Variants in FBXW10 observed in about 807,000 individuals in gnomAD.
FBXW10 encodes the protein F-box and WD repeat domain containing 10.
FBXW10 carries 68 observed loss-of-function variants against 113.1 expected under a neutral mutation model. That is an observed-to-expected ratio of 0.60 (90% confidence interval 0.49 to 0.74). The LOEUF (loss-of-function observed/expected upper bound fraction) is 0.74, where lower values mean the gene tolerates loss of function less well. Among genes scored for constraint, FBXW10 ranks in the 30% least tolerant of loss-of-function variants. The pLI is 0.00. For synonymous variants in FBXW10, 289 were observed against 481.6 expected (o/e 0.60, Z 5.24); for missense variants, 753 against 1,284.5 (o/e 0.59, Z 6.32).
chr17:18,768,934 ATTTT>A (rs59007149), intron 10 of FBXW10, among the ~76,000 whole-genome samples: 9 of 114,388 alleles, frequency 7.9e-5, no homozygotes, highest in South Asian at 2.9e-4. Flanking sequence ...GAAGTTATTG[ATTTT>A]TTTTTTTTTT....
intron 13 of FBXW10, among the ~76,000 whole-genome samples, chr17:18,777,704 G>A (rs1442005935): frequency 6.6e-6 from 1 of 151,386 alleles, no homozygotes; most frequent in South Asian, 2.1e-4. Flanking sequence ...CCGCCATGCC[G>A]GGCTAATTTT....
chr17:18,764,066 C>T (rs1377780447), intron 7 of FBXW10, among the ~76,000 whole-genome samples: 4 of 145,434 alleles, frequency 2.8e-5, no homozygotes, highest in Non-Finnish European at 6.0e-5. Context: ...AGTGGCACCT[C>T]CTTCCCGGCT....
rs1334734555 is a variant in FBXW10, at chr17:18,744,610, G to A, written c.366G>A (p.Leu122=). 8 of 1,614,012 alleles carry A rather than the reference G, an allele frequency of 5.0e-6. No individual in the cohort carries two copies. The highest frequency in any genetic ancestry group is 6.8e-6 in the Non-Finnish European group (8 of 1,179,874). The change falls in exon 1 of 14, where the codon TTG becomes TTA. Residue 122 remains leucine (L), a synonymous_variant. Transcript: ENST00000395665. ...KTVEQKMKEI[L]YWFANSTQWT... ...TAGAACAGAAGATGAAAGAGATCTT[G>A]TACTGGTTTGCGAACAGCACCCAGT...
chr17:18,750,435 T>C (rs1427934608), intron 4 of FBXW10, among the ~76,000 whole-genome samples: 2 of 151,610 alleles, frequency 1.3e-5, no homozygotes, highest in African/African-American at 4.8e-5. Context: ...GGGAGTTATA[T>C]TGCAGCTTAT....
At chr17:18,756,685 G>A (rs1459948731) in intron 6 of FBXW10, among the ~76,000 whole-genome samples, 1 of 151,910 alleles carries the variant, frequency 6.6e-6, no homozygotes, top group Non-Finnish European at 1.5e-5. Context: ...ATCTTCCCAT[G>A]GTAAATATGA....
rs780820275 is a variant in FBXW10 at position 18,769,969 on chromosome 17, C to T, written c.1890C>T (p.Ser630=). The part of the protein sequence containing the change: ...DVSLLFLRVI[S]ACADGKIRIY... ...CCCTTCTCTTCCTCCGGGTCATCAG[C>T]GCCTGTGCAGATGGCAAGATCCGAA... Residue 630 remains serine, a synonymous_variant, in exon 11 of 14, where the codon AGC becomes AGT. Coordinates refer to ENST00000395665, the MANE Select transcript of FBXW10 (RefSeq NM_001267585.2). 2.5e-6 allele frequency: 4 copies of T among 1,613,998 alleles called. No individual in the cohort carries two copies. Among genetic ancestry groups the T allele is most frequent in the African/African-American group, 1.3e-5 (1 of 74,896 alleles).
intron 5 of FBXW10, among the ~76,000 whole-genome samples, chr17:18,751,622 C>G (rs2035173639): frequency 6.6e-6 from 1 of 152,182 alleles, no homozygotes; most frequent in Non-Finnish European, 1.5e-5. Context: ...TACTTCAAAG[C>G]CCCTGGCCGT....
In FBXW10 at chr17:18,748,031, A is replaced by C; in HGVS notation, c.596A>C (p.Lys199Thr). The C allele has an allele frequency of 6.2e-7, 1 of 1,613,890 alleles. No individual in the cohort carries two copies. The highest frequency in any genetic ancestry group is 8.5e-7 in the Non-Finnish European group (1 of 1,179,846). ...SATSQVYWTA[K>T]TQHTSLPLSK... is the part of the protein sequence containing the mutation. ...ACCTCACAAGTCTATTGGACAGCCA[A>C]AACTCAGCACACATCCCTTCCTTTG... The change falls in exon 2 of 14, where the codon AAA (lysine) becomes ACA (threonine). Residue 199 changes from lysine (K) to threonine (T), a missense_variant. By Grantham distance (78) the Lys-to-Thr change is moderately conservative. Coordinates refer to ENST00000395665, the MANE Select transcript of FBXW10 (RefSeq NM_001267585.2).
chr17:18,768,837 T>C (rs1425262003), intron 10 of FBXW10, among the ~76,000 whole-genome samples, 161 bp downstream of exon 10: 10 of 152,046 alleles, frequency 6.6e-5, no homozygotes, highest in Non-Finnish European at 1.5e-4. Context: ...GACCCATTTT[T>C]CCCCACCATC....
At chr17:18,772,823 C>T in intron 12 of FBXW10, 140 bp downstream of exon 12, 1 of 698,194 alleles carries the variant, frequency 1.4e-6, no homozygotes, top group Non-Finnish European at 2.4e-6. Flanking sequence ...TAAATCCTAA[C>T]CCTCCAGGAA....
Position 18,758,217 on chromosome 17 carries a change from G to T in FBXW10, c.1233-88G>T, listed in dbSNP as rs959071860. 2.3e-5 allele frequency: 30 copies of T among 1,307,218 alleles called. No homozygotes were observed. In the African/African-American group the frequency reaches 3.4e-4, roughly 15 times the overall value. The allele number at this position is 1,307,218 out of a possible 1,614,324, so 81.0% of individuals were successfully genotyped here. A position where few individuals can be genotyped will look rare whatever the true frequency, so the allele number is the denominator to read the frequency against. ...GCCCTGGATTTTCCTTTACACCACT[G>T]CTGTAGGCAAAAGTCATGGGGCTAA... On this transcript the variant is annotated intron_variant, in intron 6 of 13. Transcript: ENST00000395665.
chr17:18,775,880 A>C (rs976732830), intron 13 of FBXW10, among the ~76,000 whole-genome samples: 1 of 152,150 alleles, frequency 6.6e-6, no homozygotes, highest in South Asian at 2.1e-4. Flanking sequence ...AATTCAAAAA[A>C]TTGGCCAGAT....
In FBXW10 at chr17:18,745,733, C is replaced by T. The variant is rs557435227; in HGVS notation, c.505+984C>T. Among the ~76,000 whole-genome samples the T allele has an allele frequency of 1.6e-3, 242 of 152,268 alleles. 1 individual carries two copies. The highest frequency in any genetic ancestry group is 5.6e-3 in the African/African-American group (231 of 41,554). ...TCGACCAGGGATTCTGTATTTCTAACAAGTTTCCAGCTAGTGCTGATGTTG... is the reference window on the plus strand; with the variant it reads ...TCGACCAGGGATTCTGTATTTCTAATAAGTTTCCAGCTAGTGCTGATGTTG... On this transcript the variant is annotated intron_variant, in intron 1 of 13. Transcript: ENST00000395665.
At chr17:18,750,828 C>G (rs372486915) in intron 4 of FBXW10, 103 bp from the exon 5 acceptor site, 6 of 1,376,224 alleles carry the variant, frequency 4.4e-6, no homozygotes, top group Non-Finnish European at 5.9e-6. Flanking sequence ...CCATCCTTCA[C>G]ATTTTGCCAA....
intron 7 of FBXW10, among the ~76,000 whole-genome samples, chr17:18,759,569 CATTT>C (rs1158130781): frequency 9.9e-5 from 15 of 151,708 alleles, no homozygotes; most frequent in Non-Finnish European, 1.8e-4. Flanking sequence ...TATCGTAACT[CATTT>C]ATTTGTTTTT....
chr17:18,776,429 T>G (rs910133422), intron 13 of FBXW10, among the ~76,000 whole-genome samples: 1 of 152,212 alleles, frequency 6.6e-6, no homozygotes, highest in Non-Finnish European at 1.5e-5. Context: ...TATTTTTGGC[T>G]AGTATAGTAG....
intron 13 of FBXW10, among the ~76,000 whole-genome samples, chr17:18,777,219 G>A (rs2035718664): frequency 6.6e-6 from 1 of 151,698 alleles, no homozygotes; most frequent in Admixed American, 6.6e-5. Flanking sequence ...CTGCCACCAC[G>A]CCCGGCTAAT....
intron 13 of FBXW10, among the ~76,000 whole-genome samples, chr17:18,777,583 G>A (rs1481153237): frequency 2.0e-5 from 3 of 148,612 alleles, no homozygotes; most frequent in Non-Finnish European, 4.4e-5. Flanking sequence ...TTGCTCTGTC[G>A]CCCAGGCTGG....
chr17:18,750,227 C>G, intron 4 of FBXW10, 90 bp downstream of exon 4: 1 of 1,165,218 alleles, frequency 8.6e-7, no homozygotes, highest in Non-Finnish European at 1.2e-6. Context: ...TCAGTAAACC[C>G]TTAGCTGGCC....
Sources: allele counts gnomAD v4.1 joint callset (sites outside exome capture counted in the v4.1 genomes callset), GRCh38; gene constraint gnomAD v4.1.1; transcripts MANE v1.5; gene names NCBI Gene and HGNC (gene_info 2026-07-23, HGNC 2026-07-21).